CARNS1: variants seen among roughly 807,000 people sequenced by gnomAD.
CARNS1 encodes ATP-grasp domain containing 1.
CARNS1 carries 61 observed loss-of-function variants against 74.0 expected under a neutral mutation model. The observed-to-expected ratio is 0.82, with a 90% CI of 0.67 to 1.02. The LOEUF (loss-of-function observed/expected upper bound fraction) is 1.02. Ranked by LOEUF, CARNS1 falls within the 50% of genes least tolerant of loss-of-function variation. The probability of loss-of-function intolerance (pLI) is 0.00; values close to 1 mark genes in which losing one functional copy is unlikely to be tolerated. For missense variants in CARNS1, 1,278 were observed against 1,308.4 expected (o/e 0.98, Z 0.36); for synonymous variants, 568 against 605.5 (o/e 0.94, Z 0.91).
Position 67,417,671 on chromosome 11 carries a change from C to T in CARNS1, c.268C>T (p.Arg90Cys), listed in dbSNP as rs879750332. 1.7e-5 allele frequency: 21 copies of T among 1,256,208 alleles called. No homozygotes were observed. Among genetic ancestry groups the T allele is most frequent in the Non-Finnish European group, 1.8e-5 (18 of 999,120 alleles). The allele number at this position is 1,256,208 out of a possible 1,614,324, so 77.8% of individuals were successfully genotyped here. A position where few individuals can be genotyped will look rare whatever the true frequency, so the allele number is the denominator to read the frequency against. ...GACTCAGGACCGCGGCCAGGTGCCC[C>T]GCACAGGTGCCCAAGGGCTCCCTGG... ...PETQDRGQVP[R>C]TGCPGAEVTL... Residue 90 changes from arginine (R) to cysteine (C), a missense_variant, in exon 3 of 10, where the codon CGC (arginine) becomes TGC (cysteine). Transcript: ENST00000687366.
chr11:67,421,162 C>T lies in CARNS1; in HGVS notation c.1569C>T (p.Gly523=), dbSNP rs1590960861. 2.0e-6 allele frequency: 3 copies of T among 1,495,648 alleles called. No homozygotes were observed. The highest frequency in any genetic ancestry group is 2.7e-6 in the Non-Finnish European group (3 of 1,128,762). 92.6% of individuals were successfully genotyped at this position (1,495,648 alleles called of 1,614,324 possible). A position where few individuals can be genotyped will look rare whatever the true frequency, so the allele number is the denominator to read the frequency against. Residue 523 remains glycine, a synonymous_variant, in exon 9 of 10, where the codon GGC becomes GGT. Coordinates refer to ENST00000687366, the MANE Select transcript of CARNS1 (RefSeq NM_001166222.2). ...AGGGAAAACAGCTGCTGGTGGTCGG[C>T]GCTGGCGGCGTCAGCAAGAAGTTCG... ...LMEGKQLLVV[G]AGGVSKKFVW... is the part of the protein sequence containing the mutation.
Position 67,423,861 on chromosome 11 carries a change from T to C in CARNS1, c.2113T>C (p.Leu705=). ...GCACTTTTCCCGGATTACCCGAGAC[T>C]TGCAGGGCGAGGCCGACCACCCAGG... ...HEHFSRITRD[L]QGEADHPGIG... is the part of the protein sequence containing the mutation. The change falls in exon 10 of 10, where the codon TTG becomes CTG. Residue 705 remains leucine (L), a synonymous_variant. Coordinates refer to ENST00000687366, the MANE Select transcript of CARNS1 (RefSeq NM_001166222.2). This position sits in a 1 kb window ranked among gnomAD's most constrained non-coding sequence, Gnocchi z 5.1. The C allele has an allele frequency of 6.2e-7, 1 of 1,613,164 alleles. No homozygotes were observed. Among genetic ancestry groups the C allele is most frequent in the Non-Finnish European group, 8.5e-7 (1 of 1,179,882 alleles).
intron 9 of CARNS1, 106 bp downstream of exon 9, chr11:67,421,325 C>A: frequency 8.1e-7 from 1 of 1,229,694 alleles, no homozygotes; most frequent in Non-Finnish European, 1.1e-6. Flanking sequence ...GGGGCGGGAC[C>A]AGCCGCGCTA....
rs1863581881 is a variant in CARNS1, at chr11:67,417,661, C to CCAGGTGCCCCGCA, written c.268_274+6dup. On this transcript the variant is annotated frameshift_variant, in exon 3 of 10. Coordinates refer to ENST00000687366, the MANE Select transcript of CARNS1 (RefSeq NM_001166222.2). LOFTEE classifies it high-confidence loss of function. ...GCCTTCCGGAGACTCAGGACCGCGG[C>CCAGGTGCCCCGCA]CAGGTGCCCCGCACAGGTGCCCAAG... 11 of 1,265,826 alleles carry CCAGGTGCCCCGCA rather than the reference C, an allele frequency of 8.7e-6. No individual in the cohort carries two copies. The South Asian group carries it at 2.8e-4, about 32-fold the overall frequency. The allele number at this position is 1,265,826 out of a possible 1,614,324, so 78.4% of individuals were successfully genotyped here.
chr11:67,416,084 C>T (rs1002214393), intron 1 of CARNS1, 92 bp from the exon 2 acceptor site: 10 of 792,378 alleles, frequency 1.3e-5, no homozygotes, highest in Middle Eastern at 2.2e-4. Flanking sequence ...TCGGCCACCT[C>T]TCCACTCCCA....
At chr11:67,421,318 G>T (rs1863698837) in intron 9 of CARNS1, 99 bp downstream of exon 9, 1 of 1,259,284 alleles carries the variant, frequency 7.9e-7, no homozygotes, top group African/African-American at 1.6e-5. Flanking sequence ...CGTCCTTGGG[G>T]CGGGACCAGC....
At position 67,423,567 on chromosome 11, in the gene CARNS1, C is replaced by T. The variant is rs777003504; in HGVS notation, c.1819C>T (p.Leu607Phe). The T allele has an allele frequency of 3.7e-6, 6 of 1,611,344 alleles. No homozygotes were observed. The highest frequency in any genetic ancestry group is 4.2e-6 in the Non-Finnish European group (5 of 1,178,900). ...TGACTGCCTGGTGCTCACAGCCCTG[C>T]TCTGCCAGGAGCTAGGTCTGCCCTG... is the stretch of plus-strand genomic sequence containing the variant. ...WDDCLVLTAL[L>F]CQELGLPCSS... The change falls in exon 10 of 10, where the codon CTC (leucine) becomes TTC (phenylalanine). Residue 607 changes from leucine to phenylalanine, a missense_variant. Leu to Phe is a conservative substitution (Grantham distance 22). Coordinates refer to ENST00000687366, the MANE Select transcript of CARNS1 (RefSeq NM_001166222.2). The surrounding 1 kb of genome is among the most constrained non-coding windows in gnomAD (Gnocchi z 5.1).
chr11:67,419,767 G>C lies in CARNS1; in HGVS notation c.1042G>C (p.Gly348Arg). 1 of 1,604,282 alleles carries C rather than the reference G, an allele frequency of 6.2e-7. No homozygotes were observed. The highest frequency in any genetic ancestry group is 1.3e-5 in the African/African-American group (1 of 74,618). Residue 348 changes from glycine (G) to arginine (R), a missense_variant, in exon 7 of 10, where the codon GGC (glycine) becomes CGC (arginine). By Grantham distance (125) the Gly-to-Arg change is moderately radical (BLOSUM62 -2). Coordinates refer to ENST00000687366, the MANE Select transcript of CARNS1 (RefSeq NM_001166222.2). ...TCTTCCCCCAGATGGTCCTTCACCCGGCCCCGGCCTGGCCGTGCGAATCTG... is the reference window on the plus strand; with the variant it reads ...TCTTCCCCCAGATGGTCCTTCACCCCGCCCCGGCCTGGCCGTGCGAATCTG... ...QLPCSDGPSPGPGLAVRICAV... is the reference protein window; with the variant it reads ...QLPCSDGPSPRPGLAVRICAV...
At chr11:67,420,142 G>T (rs1759054481) in intron 7 of CARNS1, among the ~76,000 whole-genome samples, 1 of 152,170 alleles carries the variant, frequency 6.6e-6, no homozygotes, top group African/African-American at 2.4e-5. Context: ...GCTGACCCAG[G>T]GCCTCCTGAT....
rs1193127276 is a variant in CARNS1, at chr11:67,419,751, A to C, written c.1028-2A>C. On this transcript the variant is annotated splice_acceptor_variant, in intron 6 of 9. Transcript: ENST00000687366. LOFTEE classifies it high-confidence loss of function. ...GCCTTAGACCTCCCCGTCTTCCCCC[A>C]GATGGTCCTTCACCCGGCCCCGGCC... The C allele has an allele frequency of 1.2e-6, 2 of 1,602,982 alleles. No homozygotes were observed. Among genetic ancestry groups the C allele is most frequent in the East Asian group, 4.6e-5 (2 of 43,930 alleles).
Position 67,423,504 on chromosome 11 carries a change from C to G in CARNS1, c.1756C>G (p.Arg586Gly). 5 of 1,613,964 alleles carry G rather than the reference C, an allele frequency of 3.1e-6. No individual in the cohort carries two copies. Among genetic ancestry groups the G allele is most frequent in the Non-Finnish European group, 4.2e-6 (5 of 1,179,876 alleles). ...ARLLAELVRA[R>G]GLKLDGCFSY... ...GCTGCTGGCAGAGTTGGTGCGGGCTCGCGGCCTCAAGCTAGATGGCTGCTT... is the reference window on the plus strand; with the variant it reads ...GCTGCTGGCAGAGTTGGTGCGGGCTGGCGGCCTCAAGCTAGATGGCTGCTT... Residue 586 changes from arginine to glycine, a missense_variant, in exon 10 of 10, where the codon CGC (arginine) becomes GGC (glycine). This residue lies in a region of CARNS1 where 1,164 missense variants were observed against 1,156.5 expected (regional missense o/e 1.01). Transcript: ENST00000687366. The surrounding 1 kb of genome is among the most constrained non-coding windows in gnomAD (Gnocchi z 5.1).
chr11:67,423,481 T>C lies in CARNS1; in HGVS notation c.1733T>C (p.Leu578Pro). ...CGGAGGGATGAGGAGAACGCACGGC[T>C]GCTGGCAGAGTTGGTGCGGGCTCGC... ...EHRRDEENAR[L>P]LAELVRARGL... The change falls in exon 10 of 10, where the codon CTG becomes CCG. Residue 578 changes from leucine (L) to proline (P), a missense_variant. Physicochemically the swap from Leu to Pro is moderately conservative, Grantham distance 98 (BLOSUM62 -3). This residue lies in a region of CARNS1 where 1,164 missense variants were observed against 1,156.5 expected (regional missense o/e 1.01). Coordinates refer to ENST00000687366, the MANE Select transcript of CARNS1 (RefSeq NM_001166222.2). This position sits in a 1 kb window ranked among gnomAD's most constrained non-coding sequence, Gnocchi z 5.1. The C allele has an allele frequency of 6.2e-7, 1 of 1,614,064 alleles. No homozygotes were observed. Among genetic ancestry groups the C allele is most frequent in the Non-Finnish European group, 8.5e-7 (1 of 1,179,896 alleles).
intron 2 of CARNS1, chr11:67,416,469 T>C: frequency 7.6e-7 from 1 of 1,319,450 alleles, no homozygotes; most frequent in South Asian, 1.7e-5. Context: ...CCTGGCAAAC[T>C]GGGATTCGAG....
At chr11:67,422,171 CTTTT>C (rs35293042) in intron 9 of CARNS1, among the ~76,000 whole-genome samples, 2 of 72,784 alleles carry the variant, frequency 2.7e-5, no homozygotes, top group Admixed American at 1.3e-4. Context: ...CGCGCCCGGC[CTTTT>C]TTTTTTTTTT....
At position 67,423,281 on chromosome 11, in the gene CARNS1, G is replaced by A. The variant is rs1260379403; in HGVS notation, c.1627-94G>A. ...TTGAGCACCTAGTGTTTGTGTACTC[G>A]TATCCCCTGAAGGGGCCATCCTAGG... is the stretch of plus-strand genomic sequence containing the variant. On this transcript the variant is annotated intron_variant, in intron 9 of 9. Transcript: ENST00000687366. This position sits in a 1 kb window ranked among gnomAD's most constrained non-coding sequence, Gnocchi z 5.1. 1.3e-5 allele frequency: 16 copies of A among 1,257,162 alleles called. No individual in the cohort carries two copies. The highest frequency in any genetic ancestry group is 9.1e-5 in the Admixed American group (4 of 43,764). 77.9% of individuals were successfully genotyped at this position (1,257,162 alleles called of 1,614,324 possible). A position where few individuals can be genotyped will look rare whatever the true frequency, so the allele number is the denominator to read the frequency against.
chr11:67,416,441 C>A, intron 2 of CARNS1: 2 of 1,363,262 alleles, frequency 1.5e-6, no homozygotes, highest in Non-Finnish European at 1.9e-6. Context: ...TTCTAGGAGA[C>A]GGCACAGAGG....
Position 67,424,192 on chromosome 11 carries a change from C to A in CARNS1, c.2444C>A (p.Pro815His), listed in dbSNP as rs758565831. The change falls in exon 10 of 10, where the codon CCC becomes CAC. Residue 815 changes from proline (P) to histidine (H), a missense_variant. Transcript: ENST00000687366. Reference sequence around the variant, plus strand: ...GGGCCTCGGCTTATCGAGATCAACCCCCGCATGGGTGGCTTCTACCTGCGT... The same window carrying A: ...GGGCCTCGGCTTATCGAGATCAACCACCGCATGGGTGGCTTCTACCTGCGT... ...GAGPRLIEIN[P>H]RMGGFYLRDW... 1 of 1,613,862 alleles carries A rather than the reference C, an allele frequency of 6.2e-7. No individual in the cohort carries two copies. The highest frequency in any genetic ancestry group is 8.5e-7 in the Non-Finnish European group (1 of 1,179,882).
At chr11:67,417,173 C>A in intron 2 of CARNS1, 3 of 1,218,600 alleles carry the variant, frequency 2.5e-6, no homozygotes, top group East Asian at 3.3e-5. Context: ...CAAGACATTG[C>A]TTCCTGCCCT....
Position 67,423,894 on chromosome 11 carries a change from C to T in CARNS1, c.2146C>T (p.Leu716=). Residue 716 remains leucine (L), a synonymous_variant, in exon 10 of 10, where the codon CTG becomes TTG. Coordinates refer to ENST00000687366, the MANE Select transcript of CARNS1 (RefSeq NM_001166222.2). This position sits in a 1 kb window ranked among gnomAD's most constrained non-coding sequence, Gnocchi z 5.1. ...CGAGGCCGACCACCCAGGCATTGGG[C>T]TGGGCTGGGGCAATGCCATGCTGCT... ...QGEADHPGIG[L]GWGNAMLLME... is the part of the protein sequence containing the mutation. 1 of 1,613,620 alleles carries T rather than the reference C, an allele frequency of 6.2e-7. No homozygotes were observed. Among genetic ancestry groups the T allele is most frequent in the South Asian group, 1.1e-5 (1 of 91,088 alleles).
Sources: gnomAD v4.1 joint callset for allele counts (sites outside exome capture counted in the v4.1 genomes callset) on GRCh38, gnomAD v4.1.1 for gene constraint, gnomAD v4.1.1 regional missense constraint, Gnocchi (gnomAD v3.1) non-coding constraint, MANE v1.5 for transcripts, NCBI Gene and HGNC (gene_info 2026-07-23, HGNC 2026-07-21) for gene names.